The following RERE variants were observed in gnomAD, a reference collection of about 807,000 sequenced individuals.
The protein encoded by RERE is arginine-glutamic acid dipeptide repeats, also known as arginine-glutamic acid dipeptide repeats protein.
Under a neutral mutation model 146.1 loss-of-function variants are expected in RERE, and 40 were observed. The observed-to-expected ratio is 0.27, with a 90% CI of 0.21 to 0.36. The LOEUF (loss-of-function observed/expected upper bound fraction) is 0.36. Ranked by LOEUF, RERE falls within the 10% of genes least tolerant of loss-of-function variation. RERE has a pLI of 1.00. For synonymous variants in RERE, 1,003 were observed against 866.0 expected (o/e 1.16, Z -2.78); for missense variants, 1,933 against 2,138.7 (o/e 0.90, Z 1.90).
intron 1 of RERE, among the ~76,000 whole-genome samples, chr1:8,771,535 AAAACT>A (rs1640950922): frequency 6.6e-6 from 1 of 151,460 alleles, no homozygotes; most frequent in African/African-American, 2.4e-5. Flanking sequence ...AAAAAAAAAA[AAAACT>A]ATTAGGAACT....
chr1:8,406,163 T>C (rs919129015), intron 12 of RERE, among the ~76,000 whole-genome samples: 1 of 152,084 alleles, frequency 6.6e-6, no homozygotes, highest in Non-Finnish European at 1.5e-5. Context: ...AGTGGTGTGA[T>C]CCCGGATCAC....
intron 12 of RERE, among the ~76,000 whole-genome samples, chr1:8,413,902 A>T (rs1643683654): frequency 6.6e-6 from 1 of 151,916 alleles, no homozygotes; most frequent in Non-Finnish European, 1.5e-5. Flanking sequence ...CTAAAAATAC[A>T]AAATTAGCCA....
At chr1:8,693,366 G>A (rs1304693266) in intron 1 of RERE, among the ~76,000 whole-genome samples, 2 of 152,170 alleles carry the variant, frequency 1.3e-5, no homozygotes, top group Non-Finnish European at 1.5e-5. Context: ...TAGGTAAGCA[G>A]ATAAATAAAC....
chr1:8,769,933 C>A (rs749893891), intron 1 of RERE, among the ~76,000 whole-genome samples: 1 of 152,064 alleles, frequency 6.6e-6, no homozygotes. Flanking sequence ...GGATTCCGGG[C>A]GCACACCACT....
chr1:8,687,200 G>A (rs1428140981), intron 1 of RERE, among the ~76,000 whole-genome samples: 1 of 152,172 alleles, frequency 6.6e-6, no homozygotes, highest in Non-Finnish European at 1.5e-5. Context: ...CATTATGAGA[G>A]ACAGGAAATT....
At chr1:8,685,129 A>G (rs1019763193) in intron 1 of RERE, among the ~76,000 whole-genome samples, 3 of 152,164 alleles carry the variant, frequency 2.0e-5, no homozygotes, top group African/African-American at 7.2e-5. Flanking sequence ...AAGCACTGGG[A>G]TTATAGGAGT....
At chr1:8,730,180 C>A (rs1217443837) in intron 1 of RERE, among the ~76,000 whole-genome samples, 1 of 152,148 alleles carries the variant, frequency 6.6e-6, no homozygotes, top group Admixed American at 6.5e-5. Flanking sequence ...ACATACAATA[C>A]ACAAGATGAA....
At chr1:8,778,813 C>CAA (rs34675707) in intron 1 of RERE, among the ~76,000 whole-genome samples, 3 of 135,204 alleles carry the variant, frequency 2.2e-5, no homozygotes, top group African/African-American at 8.1e-5. Flanking sequence ...CCTTGTCTCC[C>CAA]AAAAAAAAAA....
chr1:8,448,462 A>AG (rs1183553586), intron 11 of RERE, among the ~76,000 whole-genome samples: 3 of 152,078 alleles, frequency 2.0e-5, no homozygotes, highest in African/African-American at 4.8e-5. Flanking sequence ...GGGAATAAAA[A>AG]GGGGGAAAAA....
chr1:8,585,841 A>G (rs556067426), intron 4 of RERE, among the ~76,000 whole-genome samples: 1 of 152,380 alleles, frequency 6.6e-6, no homozygotes, highest in East Asian at 1.9e-4. Flanking sequence ...CAACACTACC[A>G]TATAAAATTA....
chr1:8,447,028 C>T (rs540627959), intron 11 of RERE, among the ~76,000 whole-genome samples: 30 of 151,654 alleles, frequency 2.0e-4, no homozygotes, highest in Admixed American at 6.6e-4. Context: ...TCACGCTTTA[C>T]TTCATTAAGC....
intron 1 of RERE, among the ~76,000 whole-genome samples, chr1:8,694,723 C>A (rs1269447962): frequency 2.0e-5 from 3 of 151,380 alleles, no homozygotes; most frequent in African/African-American, 4.9e-5. Flanking sequence ...CATACCTCTG[C>A]ATTCACGGCT....
At chr1:8,580,594 A>T (rs1420742283) in intron 4 of RERE, among the ~76,000 whole-genome samples, 1 of 152,246 alleles carries the variant, frequency 6.6e-6, no homozygotes, top group Non-Finnish European at 1.5e-5. Flanking sequence ...ATTTTTAGAT[A>T]CACTATTTAG....
intron 4 of RERE, among the ~76,000 whole-genome samples, chr1:8,598,196 C>T (rs1221661015): frequency 1.3e-5 from 2 of 152,178 alleles, no homozygotes; most frequent in Non-Finnish European, 2.9e-5. Context: ...AGCAAGCCAG[C>T]CTGCTGTACT....
intron 1 of RERE, among the ~76,000 whole-genome samples, chr1:8,662,694 T>C (rs537701135): frequency 6.6e-6 from 1 of 151,850 alleles, no homozygotes; most frequent in Non-Finnish European, 1.5e-5. Context: ...TGAGACCCTG[T>C]CTCTTAAAAA....
chr1:8,619,920 A>T (rs1385086485), intron 3 of RERE, among the ~76,000 whole-genome samples: 5 of 152,234 alleles, frequency 3.3e-5, no homozygotes, highest in Non-Finnish European at 7.3e-5. Context: ...ATCTAAGATC[A>T]CTGAGGGAAT....
At chr1:8,795,982 C>CAAAAAAAAAAAAAAAAAAAAAAA (rs556814425) in intron 1 of RERE, among the ~76,000 whole-genome samples, 1 of 30,020 alleles carries the variant, frequency 3.3e-5, no homozygotes. Context: ...AACTCCGTCT[C>CAAAAAAAAAAAAAAAAAAAAAAA]AAAAAAAAAA....
At chr1:8,781,366 A>AAC (rs1313657976) in intron 1 of RERE, among the ~76,000 whole-genome samples, 4 of 151,514 alleles carry the variant, frequency 2.6e-5, no homozygotes, top group Non-Finnish European at 5.9e-5. Context: ...CAAAAAAAAA[A>AAC]AAACAACTTT....
chr1:8,543,367 T>C (rs1316715143), intron 6 of RERE, among the ~76,000 whole-genome samples: 2 of 152,144 alleles, frequency 1.3e-5, no homozygotes, highest in Non-Finnish European at 2.9e-5. Flanking sequence ...AGCAGTAAAA[T>C]AGAGATAACA....
Sources: allele counts gnomAD v4.1 joint callset (sites outside exome capture counted in the v4.1 genomes callset), GRCh38; gene constraint gnomAD v4.1.1; transcripts MANE v1.5; gene names NCBI Gene and HGNC (gene_info 2026-07-23, HGNC 2026-07-21).